The following GALNT7 variants were observed in gnomAD, a reference collection of about 807,000 sequenced individuals.
GALNT7 encodes the protein polypeptide N-acetylgalactosaminyltransferase 7.
In GALNT7, 60 loss-of-function variants were observed where a neutral mutation model predicts 82.1. The observed-to-expected ratio is 0.73, with a 90% CI of 0.59 to 0.91. GALNT7 has a LOEUF of 0.91. Ranked by LOEUF, GALNT7 falls within the 40% of genes least tolerant of loss-of-function variation. The pLI is 0.00. For synonymous variants in GALNT7, 243 were observed against 275.1 expected, an observed-to-expected ratio of 0.88 and a Z score of 1.15; for missense variants, 660 against 804.2, an observed-to-expected ratio of 0.82 and a Z score of 2.17.
intron 2 of GALNT7, among the ~76,000 whole-genome samples, chr4:173,261,901 C>G (rs533852840): frequency 9.2e-5 from 14 of 151,954 alleles, no homozygotes; most frequent in African/African-American, 3.4e-4. Flanking sequence ...TCAAAATATA[C>G]AACATTGAAA....
chr4:173,299,947 C>T (rs554234613), intron 6 of GALNT7, among the ~76,000 whole-genome samples: 1 of 151,992 alleles, frequency 6.6e-6, no homozygotes, highest in South Asian at 2.1e-4. Context: ...AGTGTTGTTA[C>T]TGTGTTAGGC....
intron 8 of GALNT7, among the ~76,000 whole-genome samples, chr4:173,305,698 T>C (rs1272889258): frequency 6.6e-6 from 1 of 152,188 alleles, no homozygotes; most frequent in Non-Finnish European, 1.5e-5. Flanking sequence ...TGAAAATCAA[T>C]TGACCATAAA....
chr4:173,292,042 A>C lies in GALNT7; in HGVS notation c.588-66A>C, dbSNP rs1736557084. On this transcript the variant is annotated intron_variant, in intron 2 of 11. Transcript: ENST00000265000. This position sits in a 1 kb window ranked among gnomAD's most constrained non-coding sequence, Gnocchi z 4.8. Reference sequence around the variant, plus strand: ...AGTATGTAATCCAATCAGCAAATATAGTCAGCTTGGAGCCAAGCAGTATAG... The same window carrying C: ...AGTATGTAATCCAATCAGCAAATATCGTCAGCTTGGAGCCAAGCAGTATAG... 6 of 1,005,188 alleles carry C rather than the reference A, an allele frequency of 6.0e-6. No homozygotes were observed. The highest frequency in any genetic ancestry group is 9.2e-6 in the Non-Finnish European group (6 of 654,876). The allele number at this position is 1,005,188 out of a possible 1,614,324, so 62.3% of individuals were successfully genotyped here.
intron 1 of GALNT7, among the ~76,000 whole-genome samples, chr4:173,189,650 C>T (rs1051765733): frequency 1.4e-4 from 21 of 152,120 alleles, no homozygotes; most frequent in Admixed American, 3.3e-4. Flanking sequence ...AAGTATGCAC[C>T]GAAAACACCA....
At position 173,302,357 on chromosome 4, in the gene GALNT7, C is replaced by G. The variant is rs1319946077; in HGVS notation, c.1266+193C>G. 3.3e-5 allele frequency among the ~76,000 whole-genome samples: 5 copies of G among 152,158 alleles called. No individual in the cohort carries two copies. In the East Asian group the frequency reaches 9.6e-4, roughly 29 times the overall value. On this transcript the variant is annotated intron_variant, in intron 7 of 11. Transcript: ENST00000265000. The surrounding 1 kb of genome is among the most constrained non-coding windows in gnomAD (Gnocchi z 4.2). ...AGGCAAAATGCAAGCTCCAAACTTACCATATATTTACAGGGCTCAGCTCAA... is the reference window on the plus strand; with the variant it reads ...AGGCAAAATGCAAGCTCCAAACTTAGCATATATTTACAGGGCTCAGCTCAA...
At chr4:173,183,851 T>C (rs143828127) in intron 1 of GALNT7, among the ~76,000 whole-genome samples, 3,194 of 149,474 alleles carry the variant, frequency 0.021, 75 homozygotes, top group African/African-American at 0.064. Flanking sequence ...ACGGGGCGGC[T>C]GCCGGGCGGA....
rs146993390 is a variant in GALNT7 at position 173,186,279 on chromosome 4, G to A, written c.126+17318G>A. On this transcript the variant is annotated intron_variant, in intron 1 of 11. Coordinates refer to ENST00000265000, the MANE Select transcript of GALNT7 (RefSeq NM_017423.3). ...CCCCAAGGACAAGGTGGCAGCTGGC[G>A]GATTAAAAATAAAAGCTGACATCAT... is the stretch of plus-strand genomic sequence containing the variant. Among the ~76,000 whole-genome samples the A allele has an allele frequency of 5.3e-3, 807 of 152,208 alleles. 9 individuals are homozygous for A. The highest frequency in any genetic ancestry group is 0.019 in the African/African-American group (775 of 41,520).
intron 2 of GALNT7, among the ~76,000 whole-genome samples, chr4:173,251,164 C>T (rs1001156873): frequency 1.3e-5 from 2 of 152,128 alleles, no homozygotes; most frequent in African/African-American, 2.4e-5. Flanking sequence ...AAATATCTGT[C>T]GAGAATGAAT....
intron 8 of GALNT7, among the ~76,000 whole-genome samples, chr4:173,310,441 C>T (rs1737338054): frequency 6.6e-6 from 1 of 152,186 alleles, no homozygotes; most frequent in Non-Finnish European, 1.5e-5. Context: ...TCCTACTTGG[C>T]TCTTTGCCAT....
chr4:173,261,556 C>T (rs1193742518), intron 2 of GALNT7, among the ~76,000 whole-genome samples: 1 of 152,206 alleles, frequency 6.6e-6, no homozygotes, highest in East Asian at 1.9e-4. Flanking sequence ...GCAGCTCACG[C>T]CTGTAATCCC....
Position 173,168,862 on chromosome 4 carries a change from A to G in GALNT7, c.27A>G (p.Leu9=). 2 of 1,613,542 alleles carry G rather than the reference A, an allele frequency of 1.2e-6. No homozygotes were observed. Among genetic ancestry groups the G allele is most frequent in the Non-Finnish European group, 1.7e-6 (2 of 1,179,670 alleles). MRLKIGFI[L]RSLLVVGSFL... ...TGAGGCTGAAGATTGGGTTCATCTTACGCAGTTTGCTGGTGGTGGGAAGCT... is the reference window on the plus strand; with the variant it reads ...TGAGGCTGAAGATTGGGTTCATCTTGCGCAGTTTGCTGGTGGTGGGAAGCT... The change falls in exon 1 of 12, where the codon TTA becomes TTG. Residue 9 remains leucine (L), a synonymous_variant. Coordinates refer to ENST00000265000, the MANE Select transcript of GALNT7 (RefSeq NM_017423.3).
At chr4:173,212,273 A>G (rs1733304413) in intron 1 of GALNT7, among the ~76,000 whole-genome samples, 1 of 152,228 alleles carries the variant, frequency 6.6e-6, no homozygotes, top group African/African-American at 2.4e-5. Flanking sequence ...AAATATTTTC[A>G]TAGTTCTTTA....
At chr4:173,263,006 C>A (rs1472009106) in intron 2 of GALNT7, among the ~76,000 whole-genome samples, 1 of 152,002 alleles carries the variant, frequency 6.6e-6, no homozygotes. Context: ...AATATGGGTA[C>A]CATTTGGTGT....
Position 173,184,541 on chromosome 4 carries a change from G to C in GALNT7, c.126+15580G>C, listed in dbSNP as rs557208478. On this transcript the variant is annotated intron_variant, in intron 1 of 11. Transcript: ENST00000265000. The stretch of plus-strand genomic sequence containing the variant: ...CAGGGAGATTGCAGTGGGTCGAGAT[G>C]GCGGCAGTACAGTCCAGCCTCGGCT... 2.6e-5 allele frequency among the ~76,000 whole-genome samples: 4 copies of C among 151,298 alleles called. No homozygotes were observed. In the East Asian group the frequency reaches 7.8e-4, roughly 30 times the overall value.
chr4:173,261,805 C>G (rs1010286597), intron 2 of GALNT7, among the ~76,000 whole-genome samples: 1 of 151,692 alleles, frequency 6.6e-6, no homozygotes, highest in African/African-American at 2.4e-5. Context: ...GGGGACAGAG[C>G]CAGACTCAGT....
chr4:173,180,220 T>C (rs1347553607), intron 1 of GALNT7, among the ~76,000 whole-genome samples: 2 of 152,164 alleles, frequency 1.3e-5, no homozygotes, highest in Non-Finnish European at 2.9e-5. Flanking sequence ...ATTAAGTTTT[T>C]TTTTTGCTTG....
intron 1 of GALNT7, among the ~76,000 whole-genome samples, chr4:173,216,057 G>A (rs1733440748): frequency 6.6e-6 from 1 of 152,200 alleles, no homozygotes; most frequent in African/African-American, 2.4e-5. Flanking sequence ...CTGAAAAGCA[G>A]ATGTTGCAGT....
chr4:173,302,136 G>C lies in GALNT7; in HGVS notation c.1238G>C (p.Gly413Ala). The change falls in exon 7 of 12, where the codon GGT (glycine) becomes GCT (alanine). Residue 413 changes from glycine (G) to alanine (A), a missense_variant. This residue lies in a region of GALNT7 where 527 missense variants were observed against 683.5 expected (regional missense o/e 0.77). Transcript: ENST00000265000. This position sits in a 1 kb window ranked among gnomAD's most constrained non-coding sequence, Gnocchi z 4.2. The stretch of plus-strand genomic sequence containing the variant: ...TATGATCCAGGTCTCCAGATTTGGG[G>C]TGGTGAAAACTTTGAGATCTCATAC... The part of the protein sequence containing the change: ...GLYDPGLQIW[G>A]GENFEISYKI... 1.3e-6 allele frequency: 2 copies of C among 1,559,080 alleles called. No homozygotes were observed. Among genetic ancestry groups the C allele is most frequent in the Non-Finnish European group, 1.8e-6 (2 of 1,129,990 alleles).
chr4:173,264,120 AT>A (rs1735386982), intron 2 of GALNT7, among the ~76,000 whole-genome samples: 1 of 152,146 alleles, frequency 6.6e-6, no homozygotes, highest in South Asian at 2.1e-4. Context: ...GCATATTTCG[AT>A]TTTTCCACCC....
Sources: gnomAD v4.1 joint callset for allele counts (sites outside exome capture counted in the v4.1 genomes callset) on GRCh38, gnomAD v4.1.1 for gene constraint, gnomAD v4.1.1 regional missense constraint, Gnocchi (gnomAD v3.1) non-coding constraint, MANE v1.5 for transcripts, NCBI Gene and HGNC (gene_info 2026-07-23, HGNC 2026-07-21) for gene names.